The following IL2RA variants were observed in gnomAD, a reference collection of about 807,000 sequenced individuals.
IL2RA encodes the protein interleukin 2 receptor subunit alpha.
IL2RA carries 24 observed loss-of-function variants against 37.8 expected under a neutral mutation model. That is an observed-to-expected ratio of 0.63 (90% CI 0.46 to 0.89). The LOEUF (loss-of-function observed/expected upper bound fraction) is 0.89, where lower values mean the gene tolerates loss of function less well. Among genes scored for constraint, IL2RA ranks in the 40% least tolerant of loss-of-function variants. IL2RA has a pLI of 0.00. For missense variants in IL2RA, 319 were observed against 348.6 expected, an observed-to-expected ratio of 0.92 and a Z score of 0.68; for synonymous variants, 125 against 114.6, an observed-to-expected ratio of 1.09 and a Z score of -0.58.
At chr10:6,041,580 A>G (rs1839772806) in intron 1 of IL2RA, among the ~76,000 whole-genome samples, 1 of 152,242 alleles carries the variant, frequency 6.6e-6, no homozygotes, top group African/African-American at 2.4e-5. Flanking sequence ...GTAAAATAGC[A>G]TAAATAAGTC....
chr10:6,042,293 G>A (rs549755247), intron 1 of IL2RA, among the ~76,000 whole-genome samples: 1 of 151,776 alleles, frequency 6.6e-6, no homozygotes, highest in South Asian at 2.1e-4. Context: ...AATAGATGAA[G>A]AAGAGCATCT....
intron 6 of IL2RA, 90 bp downstream of exon 6, chr10:6,019,338 G>T: frequency 1.0e-6 from 1 of 966,028 alleles, no homozygotes; most frequent in Non-Finnish European, 1.7e-6. Context: ...CAACCTACCA[G>T]CCAACCAACT....
In IL2RA at chr10:6,025,349, C is replaced by G. The variant is rs533086390; in HGVS notation, c.256+485G>C. On this transcript the variant is annotated intron_variant, in intron 2 of 7. Coordinates refer to ENST00000379959, the MANE Select transcript of IL2RA (RefSeq NM_000417.3). This position sits in a 1 kb window ranked among gnomAD's most constrained non-coding sequence, Gnocchi z 4.4. Reference sequence around the variant, plus strand: ...AGCCTGGGCAACAGAGCGAGACTGTCTCAAAAATAAAAATAAAATTGTGTG... The same window carrying G: ...AGCCTGGGCAACAGAGCGAGACTGTGTCAAAAATAAAAATAAAATTGTGTG... Among the ~76,000 whole-genome samples the G allele has an allele frequency of 2.2e-4, 34 of 151,820 alleles. 1 individual carries two copies. The South Asian group carries it at 6.7e-3, about 30-fold the overall frequency.
rs1589296859 is a variant in IL2RA at position 6,028,033 on chromosome 10, T to C, written c.65-2008A>G. ...CAGTCCAAATGTATACAGCAAGTGC[T>C]TTCAGGTGCTGAACAACAGGCAGCT... is the stretch of plus-strand genomic sequence containing the variant. On this transcript the variant is annotated intron_variant, in intron 1 of 7. Coordinates refer to ENST00000379959, the MANE Select transcript of IL2RA (RefSeq NM_000417.3). The surrounding 1 kb of genome is among the most constrained non-coding windows in gnomAD (Gnocchi z 4.1). 6.6e-6 allele frequency among the ~76,000 whole-genome samples: 1 copy of C among 152,344 alleles called. No homozygotes were observed. The highest frequency in any genetic ancestry group is 1.9e-4 in the East Asian group (1 of 5,192).
At chr10:6,039,516 T>C (rs1839738429) in intron 1 of IL2RA, 1 of 152,130 alleles carries the variant, frequency 6.6e-6, no homozygotes, top group Admixed American at 6.5e-5. Context: ...ATTCCAACAA[T>C]AGCAGAGCCC....
In IL2RA at chr10:6,015,422, T is replaced by G. The variant is rs1448999281; in HGVS notation, c.795-2526A>C. 2.6e-5 allele frequency among the ~76,000 whole-genome samples: 4 copies of G among 152,126 alleles called. No homozygotes were observed. Among genetic ancestry groups the G allele is most frequent in the African/African-American group, 9.7e-5 (4 of 41,422 alleles). ...TCTTAATGCTGTTAGCCTAGTGCGG[T>G]GATCCTCAGAGTCTGCTCCCTGGAA... is the stretch of plus-strand genomic sequence containing the variant. On this transcript the variant is annotated intron_variant, in intron 7 of 7. Transcript: ENST00000379959. The surrounding 1 kb of genome is among the most constrained non-coding windows in gnomAD (Gnocchi z 4.9).
Position 6,044,786 on chromosome 10 carries a change from C to T in IL2RA, c.64+17302G>A, listed in dbSNP as rs572471141. The stretch of plus-strand genomic sequence containing the variant: ...GGTGGTATAGGGACTTCACCTCCCA[C>T]TCCCCCTCCACCCACTCTTTGCTGG... On this transcript the variant is annotated intron_variant, in intron 1 of 7. Transcript: ENST00000379959. This position sits in a 1 kb window ranked among gnomAD's most constrained non-coding sequence, Gnocchi z 4.5. Among the ~76,000 whole-genome samples, 45 of 152,344 alleles carry T rather than the reference C, an allele frequency of 3.0e-4. No homozygotes were observed. Among genetic ancestry groups the T allele is most frequent in the Non-Finnish European group, 4.3e-4 (29 of 68,018 alleles).
chr10:6,059,058 G>A (rs574514412), intron 1 of IL2RA, among the ~76,000 whole-genome samples: 1 of 152,354 alleles, frequency 6.6e-6, no homozygotes, highest in East Asian at 1.9e-4. Context: ...TTCAAGACTA[G>A]GTTCCTCTTG....
At chr10:6,016,982 A>T (rs74494237) in intron 7 of IL2RA, 12 of 152,358 alleles carry the variant, frequency 7.9e-5, no homozygotes, top group African/African-American at 2.9e-4. Flanking sequence ...GCAAATGAAG[A>T]TTCCCCCCAA....
chr10:6,027,423 A>G (rs1839502239), intron 1 of IL2RA, among the ~76,000 whole-genome samples: 1 of 152,212 alleles, frequency 6.6e-6, no homozygotes, highest in Admixed American at 6.5e-5. Context: ...TCCATGGGCC[A>G]GAAATTACAG....
intron 1 of IL2RA, among the ~76,000 whole-genome samples, chr10:6,043,677 A>T (rs12722512): frequency 0.033 from 5,079 of 152,292 alleles, 100 homozygotes; most frequent in Middle Eastern, 0.14. Flanking sequence ...ACCTCAGGTG[A>T]TCTACCTGCC....
rs1317085795 is a variant in IL2RA at position 6,014,413 on chromosome 10, A to AC, written c.795-1518_795-1517insG. ...AACTGACTAGAGGGGTCATTTCTAG[A>AC]TGTATGTTTGAGTCTCCCCAAAGAT... On this transcript the variant is annotated intron_variant, in intron 7 of 7. Transcript: ENST00000379959. The surrounding 1 kb of genome is among the most constrained non-coding windows in gnomAD (Gnocchi z 4.4). 6.6e-6 allele frequency among the ~76,000 whole-genome samples: 1 copy of AC among 152,126 alleles called. No homozygotes were observed. Among genetic ancestry groups the AC allele is most frequent in the Non-Finnish European group, 1.5e-5 (1 of 68,022 alleles).
rs766209034 is a variant in IL2RA, at chr10:6,014,553, G to C, written c.795-1657C>G. Among the ~76,000 whole-genome samples the C allele has an allele frequency of 8.5e-5, 13 of 152,156 alleles. No individual in the cohort carries two copies. Among genetic ancestry groups the C allele is most frequent in the Non-Finnish European group, 1.8e-4 (12 of 68,026 alleles). On this transcript the variant is annotated intron_variant, in intron 7 of 7. Transcript: ENST00000379959. This position sits in a 1 kb window ranked among gnomAD's most constrained non-coding sequence, Gnocchi z 4.4. ...ATAGCTTTGTCCTCTGGGCCCGAAG[G>C]CTTTTGATCTTCAAACTAACAAATG...
intron 1 of IL2RA, among the ~76,000 whole-genome samples, chr10:6,027,220 G>A (rs540836782): frequency 6.6e-6 from 1 of 152,238 alleles, no homozygotes; most frequent in East Asian, 1.9e-4. Context: ...CAGTTACTTG[G>A]GAGGCTGAGG....
Position 6,022,342 on chromosome 10 carries a change from A to G in IL2RA, c.368-649T>C, listed in dbSNP as rs1839401648. Among the ~76,000 whole-genome samples the G allele has an allele frequency of 2.0e-5, 3 of 152,226 alleles. No individual in the cohort carries two copies. In the South Asian group the frequency reaches 6.2e-4, roughly 32 times the overall value. ...ATGCGCCCTTTCAAGACGTCTCAAAATTTCCCATCCCCAGAACTTTCCACT... is the reference window on the plus strand; with the variant it reads ...ATGCGCCCTTTCAAGACGTCTCAAAGTTTCCCATCCCCAGAACTTTCCACT... On this transcript the variant is annotated intron_variant, in intron 3 of 7. Coordinates refer to ENST00000379959, the MANE Select transcript of IL2RA (RefSeq NM_000417.3). This position sits in a 1 kb window ranked among gnomAD's most constrained non-coding sequence, Gnocchi z 4.7.
At chr10:6,027,652 A>C (rs1437466429) in intron 1 of IL2RA, among the ~76,000 whole-genome samples, 3 of 152,226 alleles carry the variant, frequency 2.0e-5, no homozygotes, top group Admixed American at 6.5e-5. Flanking sequence ...ATACTAAGGT[A>C]ACTTGAAGAA....
intron 1 of IL2RA, chr10:6,039,883 CT>C (rs1292172447): frequency 6.6e-6 from 1 of 152,292 alleles, no homozygotes; most frequent in Non-Finnish European, 1.5e-5. Context: ...AATCCTGCCC[CT>C]GCCCATGAGC....
intron 1 of IL2RA, among the ~76,000 whole-genome samples, chr10:6,049,673 C>T (rs531877682): frequency 7.2e-5 from 11 of 152,334 alleles, no homozygotes; most frequent in African/African-American, 1.4e-4. Flanking sequence ...GCTCCCTTTT[C>T]TTTACACGGC....
chr10:6,057,789 T>C lies in IL2RA; in HGVS notation c.64+4299A>G, dbSNP rs1840069535. ...CTGCCACGTTGAGGGACTGCCTGCC[T>C]TGATGATATCCATAGCTCGCAGAAG... On this transcript the variant is annotated intron_variant, in intron 1 of 7. Transcript: ENST00000379959. This position sits in a 1 kb window ranked among gnomAD's most constrained non-coding sequence, Gnocchi z 4.8. Among the ~76,000 whole-genome samples the C allele has an allele frequency of 6.6e-6, 1 of 152,170 alleles. No individual in the cohort carries two copies. The highest frequency in any genetic ancestry group is 2.1e-4 in the South Asian group (1 of 4,824).
Sources: allele counts gnomAD v4.1 joint callset (sites outside exome capture counted in the v4.1 genomes callset), GRCh38; gene constraint gnomAD v4.1.1; non-coding constraint Gnocchi (gnomAD v3.1); transcripts MANE v1.5; gene names NCBI Gene and HGNC (gene_info 2026-07-23, HGNC 2026-07-21).